The following PTPRE variants were observed in gnomAD, a reference collection of about 807,000 sequenced individuals.
The protein encoded by PTPRE is protein tyrosine phosphatase receptor type E, also known as receptor-type tyrosine-protein phosphatase epsilon.
PTPRE carries 51 observed loss-of-function variants against 102.0 expected under a neutral mutation model. The observed-to-expected ratio is 0.50, with a 90% confidence interval of 0.40 to 0.63. The LOEUF is 0.63. Among genes scored for constraint, PTPRE ranks in the 30% least tolerant of loss-of-function variants. PTPRE has a pLI of 0.00. For synonymous variants in PTPRE, 345 were observed against 348.2 expected, an observed-to-expected ratio of 0.99 and a Z score of 0.10; for missense variants, 752 against 915.1, an observed-to-expected ratio of 0.82 and a Z score of 2.30.
intron 2 of PTPRE, among the ~76,000 whole-genome samples, chr10:127,988,463 G>GA (rs1661595396): frequency 6.6e-6 from 1 of 152,046 alleles, no homozygotes; most frequent in Non-Finnish European, 1.5e-5. Context: ...CTGTCACCAT[G>GA]CCCAGCTAAT....
At chr10:128,067,130 T>TTC (rs902979117) in intron 11 of PTPRE, among the ~76,000 whole-genome samples, 11 of 110,140 alleles carry the variant, frequency 1.0e-4, no homozygotes, top group Admixed American at 4.1e-4. Context: ...TGCATGCACG[T>TTC]TCACACACAC....
chr10:127,975,559 C>G (rs1402857521), intron 1 of PTPRE, among the ~76,000 whole-genome samples: 1 of 152,162 alleles, frequency 6.6e-6, no homozygotes, highest in East Asian at 1.9e-4. Context: ...TTAGCCTCAT[C>G]GCAGACCTAG....
rs1031684653 is a variant in PTPRE, at chr10:128,008,399, C to G, written c.-8+26103C>G. ...AAGCTCTCTCTGGACCTGAAAAAGCCTCCCATCAAGGAGAGAAATCCTAGA... is the reference window on the plus strand; with the variant it reads ...AAGCTCTCTCTGGACCTGAAAAAGCGTCCCATCAAGGAGAGAAATCCTAGA... On this transcript the variant is annotated intron_variant, in intron 2 of 20. Coordinates refer to ENST00000254667, the MANE Select transcript of PTPRE (RefSeq NM_006504.6). The surrounding 1 kb of genome is among the most constrained non-coding windows in gnomAD (Gnocchi z 4.0). Among the ~76,000 whole-genome samples, 1 of 152,210 alleles carries G rather than the reference C, an allele frequency of 6.6e-6. No individual in the cohort carries two copies. Among genetic ancestry groups the G allele is most frequent in the Admixed American group, 6.5e-5 (1 of 15,288 alleles).
chr10:128,013,417 G>T (rs1397612789), intron 2 of PTPRE, among the ~76,000 whole-genome samples: 2 of 152,182 alleles, frequency 1.3e-5, no homozygotes, highest in African/African-American at 4.8e-5. Flanking sequence ...CTATCTTGGA[G>T]CGCCACTGGG....
chr10:127,936,116 A>T (rs911941810), intron 1 of PTPRE: 2 of 152,224 alleles, frequency 1.3e-5, no homozygotes, highest in African/African-American at 4.8e-5. Context: ...CAAATGGGAT[A>T]CAACTTTCAT....
chr10:128,051,503 G>A (rs2135873303), intron 6 of PTPRE, among the ~76,000 whole-genome samples: 1 of 152,330 alleles, frequency 6.6e-6, no homozygotes, highest in Admixed American at 6.5e-5. Flanking sequence ...GTTGCCCTGG[G>A]CCCTGATACA....
At chr10:127,939,145 A>T (rs970257164) in intron 1 of PTPRE, among the ~76,000 whole-genome samples, 2 of 152,190 alleles carry the variant, frequency 1.3e-5, no homozygotes, top group South Asian at 4.1e-4. Flanking sequence ...TGCCATTGAA[A>T]TCCTTTTCCA....
chr10:128,032,368 A>C (rs746697150), intron 2 of PTPRE, among the ~76,000 whole-genome samples: 7 of 152,210 alleles, frequency 4.6e-5, no homozygotes, highest in African/African-American at 7.2e-5. Flanking sequence ...GAATCCAGGA[A>C]GGTTCTGTAG....
chr10:128,009,742 G>A (rs778642983), intron 2 of PTPRE, among the ~76,000 whole-genome samples: 5 of 152,216 alleles, frequency 3.3e-5, no homozygotes, highest in Non-Finnish European at 7.3e-5. Flanking sequence ...TAAAACTTGG[G>A]CTTTCCCAGC....
intron 1 of PTPRE, among the ~76,000 whole-genome samples, chr10:127,940,352 C>A (rs1848153632): frequency 6.6e-6 from 1 of 152,188 alleles, no homozygotes. Flanking sequence ...CAGAGCCCAG[C>A]CAACCCCTAG....
Position 127,907,349 on chromosome 10 carries a change from G to A in PTPRE, c.-31+40G>A. ...GGACAGGGACCCTGCGCCCCTGTGG[G>A]GAACTGTGCACCCCGGGAGGCCCAA... On this transcript the variant is annotated intron_variant, in intron 1 of 20. Transcript: ENST00000254667. This position sits in a 1 kb window ranked among gnomAD's most constrained non-coding sequence, Gnocchi z 4.8. The A allele has an allele frequency of 1.0e-6, 1 of 984,544 alleles. No individual in the cohort carries two copies. The allele number at this position is 984,544 out of a possible 1,614,324, so 61.0% of individuals were successfully genotyped here.
At chr10:128,078,502 C>T (rs1476913442) in intron 19 of PTPRE, among the ~76,000 whole-genome samples, 1 of 152,228 alleles carries the variant, frequency 6.6e-6, no homozygotes, top group Non-Finnish European at 1.5e-5. Context: ...TGGGGTGTTT[C>T]TATCCTTGGG....
At chr10:128,073,084 T>C (rs938536279) in intron 16 of PTPRE, among the ~76,000 whole-genome samples, 1 of 152,226 alleles carries the variant, frequency 6.6e-6, no homozygotes, top group Non-Finnish European at 1.5e-5. Context: ...CACAGGCAAC[T>C]ACCAGTTCAT....
chr10:127,938,086 C>T (rs2135275080), intron 1 of PTPRE, among the ~76,000 whole-genome samples: 1 of 152,322 alleles, frequency 6.6e-6, no homozygotes, highest in East Asian at 1.9e-4. Flanking sequence ...TTAAAGGTCA[C>T]AGGAGACCTT....
chr10:127,954,300 G>T (rs964343009), intron 1 of PTPRE, among the ~76,000 whole-genome samples: 1 of 152,184 alleles, frequency 6.6e-6, no homozygotes, highest in African/African-American at 2.4e-5. Flanking sequence ...ATCAACATGG[G>T]GTCCCCAGTA....
chr10:128,059,578 T>C (rs1564941508), intron 7 of PTPRE, among the ~76,000 whole-genome samples: 1 of 152,072 alleles, frequency 6.6e-6, no homozygotes, highest in Non-Finnish European at 1.5e-5. Context: ...CAGTAATGAC[T>C]CAGGAAGGAG....
rs181949869 is a variant in PTPRE at position 127,981,051 on chromosome 10, G to A, written c.-30-1223G>A. Among the ~76,000 whole-genome samples, 402 of 152,232 alleles carry A rather than the reference G, an allele frequency of 2.6e-3. 3 individuals are homozygous for A. The highest frequency in any genetic ancestry group is 8.2e-3 in the African/African-American group (341 of 41,536). On this transcript the variant is annotated intron_variant, in intron 1 of 20. Transcript: ENST00000254667. ...GCTGACCACTCAGAACAAAACAAGC[G>A]AGCTAAATTCATCCACTGAAGAATG... is the stretch of plus-strand genomic sequence containing the variant.
rs1272668094 is a variant in PTPRE at position 128,066,158 on chromosome 10, G to A, written c.807G>A (p.Leu269=). The part of the protein sequence containing the change: ...IRVCVEDCVV[L]VDYTIRKFCI... ...TGTGCGTGGAGGACTGCGTGGTTTT[G>A]GTCGACTACACCATCCGGAAGTTCT... The change falls in exon 11 of 21, where the codon TTG becomes TTA. Residue 269 remains leucine (L), a synonymous_variant. Transcript: ENST00000254667. 1.2e-6 allele frequency: 2 copies of A among 1,614,182 alleles called. No homozygotes were observed. Among genetic ancestry groups the A allele is most frequent in the South Asian group, 1.1e-5 (1 of 91,086 alleles).
chr10:128,055,175 C>G (rs546006078), intron 6 of PTPRE, among the ~76,000 whole-genome samples: 11 of 152,180 alleles, frequency 7.2e-5, no homozygotes, highest in Non-Finnish European at 1.6e-4. Flanking sequence ...CCGGGTCCAG[C>G]CGCTGGTCGG....
Sources: allele counts gnomAD v4.1 joint callset (sites outside exome capture counted in the v4.1 genomes callset), GRCh38; gene constraint gnomAD v4.1.1; non-coding constraint Gnocchi (gnomAD v3.1); transcripts MANE v1.5; gene names NCBI Gene and HGNC (gene_info 2026-07-23, HGNC 2026-07-21).